Variants in MGAT4C observed in about 807,000 individuals in gnomAD.
The protein encoded by MGAT4C is alpha-1,3-mannosyl-glycoprotein 4-beta-N-acetylglucosaminyltransferase C.
A neutral mutation model predicts 40.1 loss-of-function variants in MGAT4C; 19 were observed. The observed-to-expected ratio is 0.47, with a 90% CI of 0.33 to 0.70. The LOEUF is 0.70. MGAT4C is among the 30% of genes least tolerant of loss of function. The probability of loss-of-function intolerance (pLI) is 0.02; values close to 1 mark genes in which losing one functional copy is unlikely to be tolerated. For synonymous variants in MGAT4C, 181 were observed against 187.1 expected (o/e 0.97, Z 0.27); for missense variants, 491 against 563.2 (o/e 0.87, Z 1.30).
At chr12:86,828,030 A>C (rs1252825197) in intron 1 of MGAT4C, among the ~76,000 whole-genome samples, 4 of 151,274 alleles carry the variant, frequency 2.6e-5, no homozygotes, top group Non-Finnish European at 5.9e-5. Context: ...CTCTAAAGAT[A>C]AAAACTTAGA....
chr12:86,534,721 A>G (rs1283849719), intron 2 of MGAT4C, among the ~76,000 whole-genome samples: 3 of 152,160 alleles, frequency 2.0e-5, no homozygotes, highest in Admixed American at 1.3e-4. Context: ...TAGAGAATCA[A>G]TCTTACAAAT....
At chr12:86,634,762 C>T (rs1460946160) in intron 2 of MGAT4C, among the ~76,000 whole-genome samples, 1 of 152,130 alleles carries the variant, frequency 6.6e-6, no homozygotes, top group Admixed American at 6.6e-5. Flanking sequence ...TGGAGACTGT[C>T]TTATTCCTGT....
At chr12:86,176,096 TC>T (rs1266927092) in intron 1 of MGAT4C, among the ~76,000 whole-genome samples, 2 of 152,232 alleles carry the variant, frequency 1.3e-5, no homozygotes, top group Non-Finnish European at 2.9e-5. Flanking sequence ...ATATAGCTGA[TC>T]CTGGAACCAA....
chr12:86,548,015 G>C (rs1048252193), intron 2 of MGAT4C, among the ~76,000 whole-genome samples: 1 of 152,022 alleles, frequency 6.6e-6, no homozygotes, highest in Non-Finnish European at 1.5e-5. Context: ...TCCCACCTCC[G>C]GTAATTCTGT....
At chr12:86,220,565 C>T (rs1396209724) in intron 1 of MGAT4C, among the ~76,000 whole-genome samples, 1 of 152,156 alleles carries the variant, frequency 6.6e-6, no homozygotes. Flanking sequence ...GAGCCTTAGA[C>T]AAATATCACT....
At chr12:86,781,234 TA>T (rs1951834912) in intron 1 of MGAT4C, among the ~76,000 whole-genome samples, 1 of 152,166 alleles carries the variant, frequency 6.6e-6, no homozygotes, top group African/African-American at 2.4e-5. Flanking sequence ...GAACTCTTCA[TA>T]CTCTTTTCCC....
At chr12:86,302,236 C>A (rs1953830547) in intron 4 of MGAT4C, among the ~76,000 whole-genome samples, 1 of 150,672 alleles carries the variant, frequency 6.6e-6, no homozygotes, top group East Asian at 1.9e-4. Context: ...TAAATCGAAG[C>A]CTTGAAACAT....
chr12:86,418,632 AATG>A (rs1956765640), intron 3 of MGAT4C, among the ~76,000 whole-genome samples: 1 of 151,926 alleles, frequency 6.6e-6, no homozygotes, highest in African/African-American at 2.4e-5. Flanking sequence ...AAATAAATGT[AATG>A]AATAAGTATT....
At chr12:86,264,741 C>G (rs895914695) in intron 4 of MGAT4C, among the ~76,000 whole-genome samples, 16 of 151,152 alleles carry the variant, frequency 1.1e-4, no homozygotes, top group Admixed American at 8.5e-4. Context: ...GGAAGCAGCC[C>G]CTTGCCCCAG....
intron 3 of MGAT4C, among the ~76,000 whole-genome samples, chr12:86,356,568 T>C (rs759809643): frequency 2.0e-5 from 3 of 152,096 alleles, no homozygotes; most frequent in Non-Finnish European, 4.4e-5. Context: ...TTCCCTTTCC[T>C]AGCCAAGGGT....
chr12:86,814,934 G>A (rs569669696), intron 1 of MGAT4C, among the ~76,000 whole-genome samples: 2 of 152,110 alleles, frequency 1.3e-5, no homozygotes, highest in African/African-American at 4.8e-5. Flanking sequence ...TGTTTATAAA[G>A]TATGTAGTCT....
At chr12:86,267,238 A>G (rs536867219) in intron 4 of MGAT4C, among the ~76,000 whole-genome samples, 1 of 152,246 alleles carries the variant, frequency 6.6e-6, no homozygotes, top group South Asian at 2.1e-4. Context: ...TTGAAGCTAT[A>G]AAGTTCTCTC....
intron 2 of MGAT4C, among the ~76,000 whole-genome samples, chr12:86,690,695 G>A (rs563983261): frequency 3.9e-5 from 6 of 152,166 alleles, no homozygotes; most frequent in East Asian, 1.9e-4. Flanking sequence ...GAAATCACCC[G>A]CCTTCTGCTT....
At chr12:86,684,323 T>C (rs1008825942) in intron 2 of MGAT4C, among the ~76,000 whole-genome samples, 6 of 152,180 alleles carry the variant, frequency 3.9e-5, no homozygotes, top group Non-Finnish European at 7.3e-5. Context: ...AGAATGATGG[T>C]TTCCAGCTTC....
At chr12:86,803,357 A>G (rs2136206122) in intron 1 of MGAT4C, among the ~76,000 whole-genome samples, 1 of 151,998 alleles carries the variant, frequency 6.6e-6, no homozygotes, top group South Asian at 2.1e-4. Context: ...AGGCATGGGA[A>G]AGGACTTCAT....
At chr12:86,500,874 G>A (rs1347757520) in intron 2 of MGAT4C, among the ~76,000 whole-genome samples, 9 of 151,916 alleles carry the variant, frequency 5.9e-5, no homozygotes, top group Non-Finnish European at 7.4e-5. Context: ...TATCACAATC[G>A]AATTTGATTT....
intron 2 of MGAT4C, among the ~76,000 whole-genome samples, chr12:86,614,440 T>G (rs989161380): frequency 1.4e-4 from 21 of 152,146 alleles, no homozygotes; most frequent in Non-Finnish European, 2.2e-4. Context: ...GGATAATATA[T>G]GCTTTAGGTA....
intron 2 of MGAT4C, among the ~76,000 whole-genome samples, chr12:86,474,309 A>G (rs910825033): frequency 3.5e-5 from 5 of 144,698 alleles, no homozygotes; most frequent in East Asian, 2.1e-4. Flanking sequence ...CTCATAGGTG[A>G]GAATTGAACA....
chr12:86,111,592 T>C (rs1565998271), intron 1 of MGAT4C, among the ~76,000 whole-genome samples: 1 of 151,874 alleles, frequency 6.6e-6, no homozygotes, highest in East Asian at 1.9e-4. Context: ...TCCTGCACTG[T>C]AGATATGTGC....
Sources: gnomAD v4.1 joint callset for allele counts (sites outside exome capture counted in the v4.1 genomes callset) on GRCh38, gnomAD v4.1.1 for gene constraint, MANE v1.5 for transcripts, NCBI Gene and HGNC (gene_info 2026-07-23, HGNC 2026-07-21) for gene names.